Variants in GALNT17 observed in about 807,000 individuals in gnomAD.
GALNT17 encodes the protein UDP-GalNAc:polypeptide N-acetylgalactosaminyltransferase-like 3.
Under a neutral mutation model 63.7 loss-of-function variants are expected in GALNT17, and 29 were observed. That is an observed-to-expected ratio of 0.46 (90% CI 0.34 to 0.62). GALNT17 has a LOEUF of 0.62. Ranked by LOEUF, GALNT17 falls within the 20% of genes least tolerant of loss-of-function variation. The pLI is 0.01. For missense variants in GALNT17, 603 were observed against 799.6 expected, an observed-to-expected ratio of 0.75 and a Z score of 2.97; for synonymous variants, 305 against 318.3, an observed-to-expected ratio of 0.96 and a Z score of 0.45.
chr7:71,152,816 A>C (rs542109570), intron 1 of GALNT17, among the ~76,000 whole-genome samples: 1 of 151,836 alleles, frequency 6.6e-6, no homozygotes, highest in South Asian at 2.1e-4. Context: ...TATTTTTAGT[A>C]GAGACGGGGT....
intron 2 of GALNT17, among the ~76,000 whole-genome samples, chr7:71,387,731 C>T (rs908857059): frequency 3.0e-4 from 45 of 152,108 alleles, no homozygotes; most frequent in South Asian, 6.3e-4. Flanking sequence ...AGAAGTTGTG[C>T]GGTGTGCCCT....
At chr7:71,160,599 C>T (rs916101193) in intron 1 of GALNT17, among the ~76,000 whole-genome samples, 2 of 152,146 alleles carry the variant, frequency 1.3e-5, no homozygotes, top group African/African-American at 2.4e-5. Flanking sequence ...GCTGGGATTA[C>T]AGGTGCCTGC....
At chr7:71,617,704 G>A (rs374366123) in intron 6 of GALNT17, among the ~76,000 whole-genome samples, 51 of 150,086 alleles carry the variant, frequency 3.4e-4, no homozygotes, top group African/African-American at 1.2e-3. Context: ...GTGCTGTGGC[G>A]CGATCTCGGC....
At position 71,268,596 on chromosome 7, in the gene GALNT17, A is replaced by T. The variant is rs189828589; in HGVS notation, c.239-66954A>T. Among the ~76,000 whole-genome samples the T allele has an allele frequency of 7.5e-3, 1,119 of 149,724 alleles. 7 individuals are homozygous for T. The highest frequency in any genetic ancestry group is 0.021 in the Middle Eastern group (6 of 288). On this transcript the variant is annotated intron_variant, in intron 1 of 10. Transcript: ENST00000333538. The stretch of plus-strand genomic sequence containing the variant: ...ATAAATAAATAAATAAATAAATATT[A>T]AAAAAAAGAGATTGGGCTGCCTGCC...
intron 1 of GALNT17, among the ~76,000 whole-genome samples, chr7:71,227,726 G>A (rs192007366): frequency 1.3e-5 from 2 of 152,208 alleles, no homozygotes; most frequent in Admixed American, 1.3e-4. Flanking sequence ...TTAATTTAAT[G>A]AAATACATTC....
At chr7:71,334,131 A>G (rs1364000325) in intron 1 of GALNT17, among the ~76,000 whole-genome samples, 3 of 152,216 alleles carry the variant, frequency 2.0e-5, no homozygotes, top group African/African-American at 4.8e-5. Flanking sequence ...ATGATTCTCA[A>G]GCAGAGAAAT....
chr7:71,318,411 C>CTTTTTT lies in GALNT17; in HGVS notation c.239-17134_239-17129dup, dbSNP rs747726741. Among the ~76,000 whole-genome samples, 10 of 134,450 alleles carry CTTTTTT rather than the reference C, an allele frequency of 7.4e-5. 1 individual carries two copies. The highest frequency in any genetic ancestry group is 7.8e-5 in the Non-Finnish European group (5 of 64,024). 88.2% of individuals were successfully genotyped at this position (134,450 alleles called of 152,430 possible). A position where few individuals can be genotyped will look rare whatever the true frequency, so the allele number is the denominator to read the frequency against. ...CTTCCTACGACCATTCCCTGAAGCT[C>CTTTTTT]TTTTTTTTTTGTGTGTGTGTGGGGG... On this transcript the variant is annotated intron_variant, in intron 1 of 10. Transcript: ENST00000333538.
At chr7:71,524,082 C>T (rs1399518951) in intron 5 of GALNT17, among the ~76,000 whole-genome samples, 8 of 151,140 alleles carry the variant, frequency 5.3e-5, no homozygotes, top group Non-Finnish European at 1.0e-4. Context: ...CACACCATTG[C>T]GCTTCAGCCT....
chr7:71,268,476 G>T (rs887425880), intron 1 of GALNT17, among the ~76,000 whole-genome samples: 1 of 151,676 alleles, frequency 6.6e-6, no homozygotes, highest in Non-Finnish European at 1.5e-5. Context: ...GCTTGAACTG[G>T]GGAGGTGGAT....
chr7:71,492,109 G>A (rs376446124), intron 5 of GALNT17, among the ~76,000 whole-genome samples: 249 of 152,140 alleles, frequency 1.6e-3, no homozygotes, highest in Middle Eastern at 0.01. Context: ...GTGAAACCCC[G>A]TCTCTACTAA....
At chr7:71,637,440 C>T (rs1377623857) in intron 6 of GALNT17, among the ~76,000 whole-genome samples, 3 of 151,580 alleles carry the variant, frequency 2.0e-5, no homozygotes, top group Admixed American at 6.6e-5. Context: ...CCACCTGCCT[C>T]GGCCTCCCAA....
chr7:71,266,220 A>G (rs1790489840), intron 1 of GALNT17, among the ~76,000 whole-genome samples: 1 of 151,980 alleles, frequency 6.6e-6, no homozygotes, highest in Non-Finnish European at 1.5e-5. Flanking sequence ...CCATCTCATG[A>G]GCCTTAATTT....
chr7:71,598,063 C>T (rs1283631442), intron 6 of GALNT17, among the ~76,000 whole-genome samples: 1 of 152,056 alleles, frequency 6.6e-6, no homozygotes, highest in Non-Finnish European at 1.5e-5. Context: ...TCTGCCTCAG[C>T]CTTCCGAGTA....
chr7:71,664,012 TTAA>T (rs398095154), intron 6 of GALNT17, among the ~76,000 whole-genome samples: 4 of 118,068 alleles, frequency 3.4e-5, no homozygotes, highest in East Asian at 1.1e-3. Flanking sequence ...TTTCCATAAA[TTAA>T]TTTTTTTTTT....
At chr7:71,496,720 A>G (rs1306851339) in intron 5 of GALNT17, among the ~76,000 whole-genome samples, 1 of 148,994 alleles carries the variant, frequency 6.7e-6, no homozygotes, top group Non-Finnish European at 1.5e-5. Context: ...GAGTGAGTTC[A>G]GTGTTCTCAA....
At chr7:71,221,908 ATTTTTTTTTTTTTTT>A (rs370780821) in intron 1 of GALNT17, among the ~76,000 whole-genome samples, 1 of 114,684 alleles carries the variant, frequency 8.7e-6, no homozygotes, top group East Asian at 2.8e-4. Flanking sequence ...CCTTATTTAG[ATTTTTTTTTTTTTTT>A]TTTTTTTTGA....
At chr7:71,321,469 C>T (rs1198169242) in intron 1 of GALNT17, among the ~76,000 whole-genome samples, 3 of 152,194 alleles carry the variant, frequency 2.0e-5, no homozygotes, top group East Asian at 1.9e-4. Flanking sequence ...TTGAGATCCT[C>T]GCCATCACAG....
At chr7:71,166,566 G>A (rs1411559767) in intron 1 of GALNT17, among the ~76,000 whole-genome samples, 1 of 152,158 alleles carries the variant, frequency 6.6e-6, no homozygotes, top group Non-Finnish European at 1.5e-5. Context: ...CTACAGATAA[G>A]TTTGCCTCTT....
chr7:71,252,491 C>T (rs148338721), intron 1 of GALNT17, among the ~76,000 whole-genome samples: 2 of 152,228 alleles, frequency 1.3e-5, no homozygotes, highest in African/African-American at 4.8e-5. Flanking sequence ...TACCACTGCA[C>T]CCCACTGGGC....
Sources: allele counts gnomAD v4.1 joint callset (sites outside exome capture counted in the v4.1 genomes callset), GRCh38; gene constraint gnomAD v4.1.1; transcripts MANE v1.5; gene names NCBI Gene and HGNC (gene_info 2026-07-23, HGNC 2026-07-21).